The following ARSB variants were observed in gnomAD, a reference collection of about 807,000 sequenced individuals.
ARSB encodes N-acetylgalactosamine-4-sulfatase.
In ARSB, 41 loss-of-function variants were observed where a neutral mutation model predicts 50.9. The observed-to-expected ratio is 0.81, with a 90% CI of 0.63 to 1.04. The LOEUF (loss-of-function observed/expected upper bound fraction) is 1.04, where lower values mean the gene tolerates loss of function less well. Among genes scored for constraint, ARSB ranks in the 50% least tolerant of loss-of-function variants. The pLI is 0.00. For missense variants in ARSB, 672 were observed against 693.3 expected (o/e 0.97, Z 0.35); for synonymous variants, 269 against 284.8 (o/e 0.94, Z 0.56).
chr5:78,823,609 G>A (rs966562594), intron 6 of ARSB, among the ~76,000 whole-genome samples: 1 of 152,190 alleles, frequency 6.6e-6, no homozygotes, highest in African/African-American at 2.4e-5. Flanking sequence ...TAGGGTGGTA[G>A]ATACTGAGCT....
At chr5:78,953,484 T>C (rs893173235) in intron 4 of ARSB, among the ~76,000 whole-genome samples, 4 of 152,204 alleles carry the variant, frequency 2.6e-5, no homozygotes, top group African/African-American at 9.6e-5. Context: ...TAGAACTGCG[T>C]CCCACACATA....
At chr5:78,831,503 T>C (rs1744684251) in intron 6 of ARSB, among the ~76,000 whole-genome samples, 2 of 152,188 alleles carry the variant, frequency 1.3e-5, no homozygotes, top group African/African-American at 4.8e-5. Context: ...AAATGAGTCA[T>C]GTCCCATCAA....
At chr5:78,974,351 A>G (rs1016454600) in intron 1 of ARSB, among the ~76,000 whole-genome samples, 13 of 152,206 alleles carry the variant, frequency 8.5e-5, no homozygotes, top group African/African-American at 3.1e-4. Flanking sequence ...ATTAGTGAAG[A>G]GTGCAAATCT....
intron 1 of ARSB, among the ~76,000 whole-genome samples, chr5:78,971,412 A>C (rs1285081429): frequency 6.6e-6 from 1 of 152,234 alleles, no homozygotes; most frequent in Non-Finnish European, 1.5e-5. Context: ...CTCTGGGGAC[A>C]CAGGAGGTAA....
chr5:78,941,602 T>A (rs939883289), intron 4 of ARSB, among the ~76,000 whole-genome samples: 2 of 152,260 alleles, frequency 1.3e-5, no homozygotes, highest in African/African-American at 4.8e-5. Context: ...TTGCATATAT[T>A]GAACCAGCCT....
At chr5:78,942,722 G>C (rs1209209807) in intron 4 of ARSB, among the ~76,000 whole-genome samples, 1 of 152,142 alleles carries the variant, frequency 6.6e-6, no homozygotes, top group African/African-American at 2.4e-5. Context: ...TTTTGGAATA[G>C]GTGTGGTGTG....
intron 6 of ARSB, among the ~76,000 whole-genome samples, chr5:78,787,477 A>G (rs1398993968): frequency 6.6e-6 from 1 of 152,192 alleles, no homozygotes; most frequent in Non-Finnish European, 1.5e-5. Flanking sequence ...AATTTCGTTG[A>G]CAGAGTTGGA....
intron 4 of ARSB, among the ~76,000 whole-genome samples, chr5:78,906,881 C>G (rs1749091199): frequency 6.6e-6 from 1 of 152,094 alleles, no homozygotes; most frequent in Non-Finnish European, 1.5e-5. Flanking sequence ...AAACCTTCAT[C>G]TGAATTGATA....
chr5:78,816,144 A>C, intron 6 of ARSB: 1 of 1,614,124 alleles, frequency 6.2e-7, no homozygotes. Flanking sequence ...ACTTTCCTGA[A>C]GATATACAGA....
intron 5 of ARSB, among the ~76,000 whole-genome samples, chr5:78,861,170 T>C (rs546311879): frequency 6.6e-6 from 1 of 152,192 alleles, no homozygotes; most frequent in Non-Finnish European, 1.5e-5. Flanking sequence ...CACAGCCGAA[T>C]TCTACCAGAG....
intron 5 of ARSB, among the ~76,000 whole-genome samples, chr5:78,848,914 G>GTTGT (rs200456465): frequency 0.62 from 93,904 of 151,396 alleles, 29,418 homozygotes; most frequent in Middle Eastern, 0.67. Context: ...TGTTGATGGC[G>GTTGT]TTGTTTTTTC....
chr5:78,800,294 G>T (rs1307564951), intron 6 of ARSB, among the ~76,000 whole-genome samples: 2 of 150,878 alleles, frequency 1.3e-5, no homozygotes, highest in African/African-American at 4.9e-5. Flanking sequence ...CTCCAGCCCG[G>T]GTGACAGAGC....
At chr5:78,967,423 C>T (rs949783412) in intron 2 of ARSB, among the ~76,000 whole-genome samples, 7 of 152,102 alleles carry the variant, frequency 4.6e-5, no homozygotes, top group Non-Finnish European at 1.0e-4. Flanking sequence ...ACCTGTAATC[C>T]CAGCACTTTG....
chr5:78,838,302 T>A (rs1745036823), intron 6 of ARSB, among the ~76,000 whole-genome samples: 1 of 152,116 alleles, frequency 6.6e-6, no homozygotes, highest in Non-Finnish European at 1.5e-5. Context: ...GGAAAATGTG[T>A]TTCAGGCATA....
intron 4 of ARSB, among the ~76,000 whole-genome samples, chr5:78,932,144 G>T (rs868207435): frequency 8.5e-5 from 13 of 152,276 alleles, no homozygotes; most frequent in South Asian, 8.3e-4. Flanking sequence ...GCATACTTCA[G>T]CCAAAAAGTC....
chr5:78,930,620 AT>A (rs1750279997), intron 4 of ARSB, among the ~76,000 whole-genome samples: 2 of 152,254 alleles, frequency 1.3e-5, no homozygotes, highest in Admixed American at 6.5e-5. Flanking sequence ...ATATTTTCTC[AT>A]TAAGAAAACA....
At chr5:78,910,025 A>G (rs1432457478) in intron 4 of ARSB, among the ~76,000 whole-genome samples, 1 of 152,270 alleles carries the variant, frequency 6.6e-6, no homozygotes, top group Non-Finnish European at 1.5e-5. Flanking sequence ...GGAGAGAAGC[A>G]TAAATGTGGC....
intron 5 of ARSB, among the ~76,000 whole-genome samples, chr5:78,856,663 G>A (rs1036713791): frequency 6.6e-6 from 1 of 152,098 alleles, no homozygotes; most frequent in Non-Finnish European, 1.5e-5. Flanking sequence ...ATGGTTGTGG[G>A]GTTGATTATT....
At chr5:78,911,587 A>AT (rs1749312324) in intron 4 of ARSB, among the ~76,000 whole-genome samples, 5 of 61,822 alleles carry the variant, frequency 8.1e-5, no homozygotes, top group African/African-American at 1.9e-4. Context: ...AAAAAAAAAA[A>AT]AAAAAAAAAA....
Sources: allele counts gnomAD v4.1 joint callset (sites outside exome capture counted in the v4.1 genomes callset), GRCh38; gene constraint gnomAD v4.1.1; transcripts MANE v1.5; gene names NCBI Gene and HGNC (gene_info 2026-07-23, HGNC 2026-07-21).